Variants in TNNI3K observed in about 807,000 individuals in gnomAD.
The protein encoded by TNNI3K is TNNI3 interacting kinase.
In TNNI3K, 140 loss-of-function variants were observed where a neutral mutation model predicts 114.5. The ratio of observed to expected loss-of-function variants is 1.22; its 90% CI spans 1.07 to 1.41. The LOEUF (loss-of-function observed/expected upper bound fraction) is 1.41. TNNI3K is among the 40% of genes most tolerant of loss of function. The pLI is 0.00. For synonymous variants in TNNI3K, 347 were observed against 347.5 expected (o/e 1.00, Z 0.02); for missense variants, 1,125 against 1,007.6 (o/e 1.12, Z -1.58).
chr1:74,317,866 G>A (rs1043119069), intron 5 of TNNI3K, among the ~76,000 whole-genome samples: 11 of 152,254 alleles, frequency 7.2e-5, no homozygotes, highest in Non-Finnish European at 1.2e-4. Context: ...AGATGGACCC[G>A]CTGATCAATG....
At chr1:74,322,620 C>A (rs1353045183) in intron 5 of TNNI3K, among the ~76,000 whole-genome samples, 1 of 151,942 alleles carries the variant, frequency 6.6e-6, no homozygotes, top group Non-Finnish European at 1.5e-5. Context: ...ATCGCCACGC[C>A]CAGCTAATTT....
At chr1:74,539,523 C>A (rs1006897295) in intron 23 of TNNI3K, among the ~76,000 whole-genome samples, 1 of 151,998 alleles carries the variant, frequency 6.6e-6, no homozygotes, top group African/African-American at 2.4e-5. Context: ...ACCCCATTTA[C>A]CAAATCGGCA....
At chr1:74,456,698 G>A (rs531447876) in intron 20 of TNNI3K, among the ~76,000 whole-genome samples, 249 of 152,260 alleles carry the variant, frequency 1.6e-3, no homozygotes, top group African/African-American at 5.8e-3. Context: ...GGTTCACAAA[G>A]AGATTTAACT....
chr1:74,383,033 G>T (rs1428987235), intron 17 of TNNI3K, among the ~76,000 whole-genome samples: 1 of 151,800 alleles, frequency 6.6e-6, no homozygotes, highest in Non-Finnish European at 1.5e-5. Flanking sequence ...TAAAGGAAAG[G>T]ATTGATTACA....
intron 5 of TNNI3K, among the ~76,000 whole-genome samples, chr1:74,313,453 A>T (rs2100358058): frequency 6.6e-6 from 1 of 152,252 alleles, no homozygotes; most frequent in Middle Eastern, 3.4e-3. Context: ...ACCAATTCCC[A>T]GGTCTGGCTT....
At chr1:74,375,984 A>C (rs1570543005) in intron 17 of TNNI3K, 1 of 157,942 alleles carries the variant, frequency 6.3e-6, no homozygotes, top group East Asian at 1.8e-4. Flanking sequence ...AGATCTGAGA[A>C]GGACTCACCG....
chr1:74,536,620 G>A (rs1252384249), intron 23 of TNNI3K, among the ~76,000 whole-genome samples: 8 of 151,844 alleles, frequency 5.3e-5, no homozygotes, highest in Non-Finnish European at 5.9e-5. Context: ...CTAACCTAAA[G>A]ACTATGTTAT....
intron 4 of TNNI3K, among the ~76,000 whole-genome samples, chr1:74,252,485 T>C (rs1654988570): frequency 6.6e-6 from 1 of 152,230 alleles, no homozygotes; most frequent in Non-Finnish European, 1.5e-5. Flanking sequence ...ATAAAGTAGT[T>C]GTGTGTCCAG....
At chr1:74,453,934 CAATT>C (rs1241374420) in intron 20 of TNNI3K, among the ~76,000 whole-genome samples, 12 of 152,226 alleles carry the variant, frequency 7.9e-5, no homozygotes, top group African/African-American at 2.6e-4. Context: ...TTAATGTTGG[CAATT>C]AATTCAGCAT....
At chr1:74,493,962 G>A (rs936336326) in intron 23 of TNNI3K, among the ~76,000 whole-genome samples, 7 of 152,192 alleles carry the variant, frequency 4.6e-5, no homozygotes, top group African/African-American at 1.7e-4. Flanking sequence ...AACTGGAGTG[G>A]GAATGGGGTC....
chr1:74,384,659 G>C (rs900096336), intron 17 of TNNI3K, among the ~76,000 whole-genome samples: 2 of 152,094 alleles, frequency 1.3e-5, no homozygotes, highest in African/African-American at 4.8e-5. Context: ...TCTCAAAACA[G>C]TTTGGCTTGT....
chr1:74,504,327 C>A (rs957740312), intron 23 of TNNI3K, among the ~76,000 whole-genome samples: 4 of 152,184 alleles, frequency 2.6e-5, no homozygotes, highest in Non-Finnish European at 5.9e-5. Flanking sequence ...CTAACGCCAT[C>A]TAGCAGTCAG....
chr1:74,394,916 C>T (rs955808137), intron 17 of TNNI3K, among the ~76,000 whole-genome samples: 2 of 151,914 alleles, frequency 1.3e-5, no homozygotes, highest in Non-Finnish European at 2.9e-5. Context: ...TGGTGGCGGG[C>T]ACCTGTAGTC....
At chr1:74,481,061 A>G in intron 21 of TNNI3K, 2 of 606,116 alleles carry the variant, frequency 3.3e-6, no homozygotes, top group South Asian at 4.0e-5. Context: ...TCCTCTGAGC[A>G]ATCTTATCAC....
chr1:74,492,027 C>A, intron 22 of TNNI3K, 70 bp from the exon 23 acceptor site: 5 of 1,380,108 alleles, frequency 3.6e-6, no homozygotes, highest in East Asian at 2.5e-5. Context: ...AAGTTAAATC[C>A]ATATTTTATG....
chr1:74,505,346 T>C (rs1342502041), intron 23 of TNNI3K, among the ~76,000 whole-genome samples: 1 of 152,204 alleles, frequency 6.6e-6, no homozygotes, highest in Non-Finnish European at 1.5e-5. Context: ...GGCCTCGCCC[T>C]GCTCCCTCCT....
intron 17 of TNNI3K, among the ~76,000 whole-genome samples, chr1:74,416,882 G>C (rs894758446): frequency 6.6e-6 from 1 of 151,864 alleles, no homozygotes; most frequent in Non-Finnish European, 1.5e-5. Flanking sequence ...TCCATGGTGT[G>C]TGTATATTTT....
At chr1:74,377,516 A>G (rs1662968013) in intron 17 of TNNI3K, among the ~76,000 whole-genome samples, 1 of 152,078 alleles carries the variant, frequency 6.6e-6, no homozygotes, top group Non-Finnish European at 1.5e-5. Context: ...CCAGACAATT[A>G]TATTGCACAT....
At chr1:74,490,023 C>T (rs1334376715) in intron 22 of TNNI3K, among the ~76,000 whole-genome samples, 3 of 110,456 alleles carry the variant, frequency 2.7e-5, no homozygotes, top group East Asian at 2.6e-4. Context: ...AAAGTGGAAC[C>T]ATCAAGAAAA....
Sources: gnomAD v4.1 joint callset for allele counts (sites outside exome capture counted in the v4.1 genomes callset) on GRCh38, gnomAD v4.1.1 for gene constraint, MANE v1.5 for transcripts, NCBI Gene and HGNC (gene_info 2026-07-23, HGNC 2026-07-21) for gene names.